PPP2R5B: variants seen among roughly 807,000 people sequenced by gnomAD.
The protein encoded by PPP2R5B is serine/threonine-protein phosphatase 2A 56 kDa regulatory subunit beta isoform.
In PPP2R5B, 19 loss-of-function variants were observed where a neutral mutation model predicts 59.9. The ratio of observed to expected loss-of-function variants is 0.32; its 90% CI spans 0.22 to 0.47. The LOEUF is 0.47. Among genes scored for constraint, PPP2R5B ranks in the 20% least tolerant of loss-of-function variants. The probability of loss-of-function intolerance (pLI) is 1.00; values close to 1 mark genes in which losing one functional copy is unlikely to be tolerated. For missense variants in PPP2R5B, 441 were observed against 640.2 expected (o/e 0.69, Z 3.36); for synonymous variants, 286 against 260.5 (o/e 1.10, Z -0.94).
At chr11:64,919,045 A>C (rs559368926) in intron 1 of PPP2R5B, among the ~76,000 whole-genome samples, 1 of 152,324 alleles carries the variant, frequency 6.6e-6, no homozygotes, top group South Asian at 2.1e-4. Context: ...ACAGCCATTC[A>C]GAAAGTGCTT....
chr11:64,920,117 CA>C (rs562667276), upstream of PPP2R5B, among the ~76,000 whole-genome samples: 106 of 151,518 alleles, frequency 7.0e-4, no homozygotes, highest in South Asian at 8.3e-4. Context: ...ACCTCAAAAA[CA>C]AAAAAAGGAA....
chr11:64,926,035 T>G, intron 2 of PPP2R5B, 102 bp downstream of exon 2: 1 of 1,210,624 alleles, frequency 8.3e-7, no homozygotes, highest in Non-Finnish European at 1.2e-6. Flanking sequence ...GAGAGAGAGT[T>G]TGGATACCCC....
rs1489135217 is a variant in PPP2R5B at position 64,931,700 on chromosome 11, A to T, written c.997-49A>T. On this transcript the variant is annotated intron_variant, in intron 10 of 13. Coordinates refer to ENST00000164133, the MANE Select transcript of PPP2R5B (RefSeq NM_006244.4). This position sits in a 1 kb window ranked among gnomAD's most constrained non-coding sequence, Gnocchi z 5.0. The stretch of plus-strand genomic sequence containing the variant: ...CAGGTGTGTGTATGTGTAGGGGGAG[A>T]TGTGAGCTGCTGCCCCTCTGTCCCT... 2 of 1,613,650 alleles carry T rather than the reference A, an allele frequency of 1.2e-6. No individual in the cohort carries two copies. Among genetic ancestry groups the T allele is most frequent in the Non-Finnish European group, 1.7e-6 (2 of 1,179,856 alleles).
chr11:64,925,949 G>A lies in PPP2R5B; in HGVS notation c.199+16G>A, dbSNP rs554840972. 1.2e-6 allele frequency: 2 copies of A among 1,607,310 alleles called. No homozygotes were observed. The highest frequency in any genetic ancestry group is 2.2e-5 in the South Asian group (2 of 90,260). ...CTGCTCAAAGGTGAGCTGGCTGCTGGCCACTGGGGGAACCGAACCCCCGAG... is the reference window on the plus strand; with the variant it reads ...CTGCTCAAAGGTGAGCTGGCTGCTGACCACTGGGGGAACCGAACCCCCGAG... On this transcript the variant is annotated intron_variant, in intron 2 of 13. Coordinates refer to ENST00000164133, the MANE Select transcript of PPP2R5B (RefSeq NM_006244.4). This position sits in a 1 kb window ranked among gnomAD's most constrained non-coding sequence, Gnocchi z 4.6.
chr11:64,928,018 G>A lies in PPP2R5B; in HGVS notation c.499-48G>A, dbSNP rs535137383. 24 of 1,591,130 alleles carry A rather than the reference G, an allele frequency of 1.5e-5. No individual in the cohort carries two copies. The East Asian group carries it at 4.2e-4, about 28-fold the overall frequency. On this transcript the variant is annotated intron_variant, in intron 4 of 13. Coordinates refer to ENST00000164133, the MANE Select transcript of PPP2R5B (RefSeq NM_006244.4). ...TGAGGGCCATAGGGTGGAATGAGTG[G>A]GTGAGGCTGTTACTGAACTCACCTT...
In PPP2R5B at chr11:64,932,839, G is replaced by T. The variant is rs752382807; in HGVS notation, c.1191G>T (p.Val397=). 1 of 1,614,154 alleles carries T rather than the reference G, an allele frequency of 6.2e-7. No homozygotes were observed. Among genetic ancestry groups the T allele is most frequent in the South Asian group, 1.1e-5 (1 of 91,092 alleles). ...TCATTGAGGACAACTGCCACACTGTGCTGCCTGCTGTGTTTGGGACCCTCT... is the reference window on the plus strand; with the variant it reads ...TCATTGAGGACAACTGCCACACTGTTCTGCCTGCTGTGTTTGGGACCCTCT... ...LSLIEDNCHT[V]LPAVFGTLYQ... The change falls in exon 12 of 14, where the codon GTG becomes GTT. Residue 397 remains valine (V), a synonymous_variant. Transcript: ENST00000164133.
intron 6 of PPP2R5B, among the ~76,000 whole-genome samples, chr11:64,929,524 A>C (rs149219294): frequency 0.035 from 5,370 of 152,274 alleles, 133 homozygotes; most frequent in Non-Finnish European, 0.053. Context: ...TCAGGAGTTC[A>C]AGATCAGCCT....
Position 64,927,906 on chromosome 11 carries a change from C to CTGAAGGGT in PPP2R5B, c.498+6_498+13dup, listed in dbSNP as rs1945185750. ...AGCCTTCGTGGCCACACCTGCAGGT[C>CTGAAGGGT]TGAAGGGTTGGGGAAGACAGAGATC... On this transcript the variant is annotated splice_donor_region_variant and intron_variant, in intron 4 of 13. Transcript: ENST00000164133. 1 of 1,597,534 alleles carries CTGAAGGGT rather than the reference C, an allele frequency of 6.3e-7. No individual in the cohort carries two copies. Among genetic ancestry groups the CTGAAGGGT allele is most frequent in the Non-Finnish European group, 8.6e-7 (1 of 1,165,022 alleles).
Position 64,931,905 on chromosome 11 carries a change from G to A in PPP2R5B, c.1116+37G>A. The A allele has an allele frequency of 6.2e-7, 1 of 1,602,360 alleles. No individual in the cohort carries two copies. Among genetic ancestry groups the A allele is most frequent in the Non-Finnish European group, 8.5e-7 (1 of 1,174,654 alleles). ...GACAGGCGGGGATGGGAGCAGGGCT[G>A]GCCTGGAAAGGTTGGGTAGCTGACC... On this transcript the variant is annotated intron_variant, in intron 11 of 13. Transcript: ENST00000164133. The surrounding 1 kb of genome is among the most constrained non-coding windows in gnomAD (Gnocchi z 5.0).
intron 13 of PPP2R5B, 126 bp downstream of exon 13, chr11:64,933,372 C>T: frequency 1.2e-6 from 1 of 829,022 alleles, no homozygotes; most frequent in Non-Finnish European, 1.9e-6. Flanking sequence ...ACTGTCCATG[C>T]TCCTGCCATC....
In PPP2R5B at chr11:64,927,960, G is replaced by A. The variant is rs1945186399; in HGVS notation, c.498+57G>A. On this transcript the variant is annotated intron_variant, in intron 4 of 13. Transcript: ENST00000164133. ...GTTTCAGAAGAGATCCAAGGCATGG[G>A]GAGAGGGCCTCCTTAGCCCCTAGAC... 1.9e-6 allele frequency: 3 copies of A among 1,565,578 alleles called. No homozygotes were observed. In the East Asian group the frequency reaches 6.7e-5, roughly 35 times the overall value.
At chr11:64,920,863 C>T (rs1022638196), upstream of PPP2R5B, among the ~76,000 whole-genome samples, 3 of 151,504 alleles carry the variant, frequency 2.0e-5, no homozygotes, top group Non-Finnish European at 4.4e-5. Context: ...GTTTTGACCT[C>T]ATGATCTGCC....
chr11:64,925,380 C>G lies in PPP2R5B; in HGVS notation c.-264-91C>G, dbSNP rs1231454092. The G allele has an allele frequency of 4.5e-6, 1 of 222,254 alleles. No individual in the cohort carries two copies. Among genetic ancestry groups the G allele is most frequent in the Non-Finnish European group, 9.1e-6 (1 of 109,824 alleles). The allele number at this position is 222,254 out of a possible 1,614,324, so 13.8% of individuals were successfully genotyped here. On this transcript the variant is annotated intron_variant, in intron 1 of 13. Coordinates refer to ENST00000164133, the MANE Select transcript of PPP2R5B (RefSeq NM_006244.4). This position sits in a 1 kb window ranked among gnomAD's most constrained non-coding sequence, Gnocchi z 4.6. ...GGATAGGAGGGAAAAGACCTGGGCA[C>G]TCCACGCAGCCTCCCGGCTCTCCTG...
upstream of PPP2R5B, among the ~76,000 whole-genome samples, chr11:64,920,943 C>CTATATATA (rs59230229): frequency 0.11 from 14,752 of 134,564 alleles, 913 homozygotes; most frequent in Non-Finnish European, 0.11. Flanking sequence ...TCCAGCAGTT[C>CTATATATA]TATATATATA....
Position 64,925,801 on chromosome 11 carries a change from C to T in PPP2R5B, c.67C>T (p.Pro23Ser). Reference protein sequence around the residue: ...SPSSPGLSPVPPPDKVDGFSR... With the variant: ...SPSSPGLSPVSPPDKVDGFSR... Reference sequence around the variant, plus strand: ...CTCCTCCCCCGGGCTGTCGCCTGTGCCCCCACCCGACAAGGTGGACGGCTT... The same window carrying T: ...CTCCTCCCCCGGGCTGTCGCCTGTGTCCCCACCCGACAAGGTGGACGGCTT... Residue 23 changes from proline (P) to serine (S), a missense_variant, in exon 2 of 14, where the codon CCC becomes TCC. Pro to Ser is a moderately conservative substitution (Grantham distance 74, BLOSUM62 -1). Transcript: ENST00000164133. The surrounding 1 kb of genome is among the most constrained non-coding windows in gnomAD (Gnocchi z 4.6). 1 of 1,583,684 alleles carries T rather than the reference C, an allele frequency of 6.3e-7. No homozygotes were observed. Among genetic ancestry groups the T allele is most frequent in the Non-Finnish European group, 8.6e-7 (1 of 1,160,044 alleles).
rs1945259441 is a variant in PPP2R5B, at chr11:64,934,025, C to T, written c.*181C>T. ...CGAGGAGAGGCAATGGTGGTCTTGG[C>T]AACAGAATGCTCAGCCCCTCGTGGC... is the stretch of plus-strand genomic sequence containing the variant. On this transcript the variant is annotated 3_prime_UTR_variant, in exon 14 of 14. Coordinates refer to ENST00000164133, the MANE Select transcript of PPP2R5B (RefSeq NM_006244.4). The T allele has an allele frequency of 4.2e-6, 3 of 708,916 alleles. No homozygotes were observed. Among genetic ancestry groups the T allele is most frequent in the Non-Finnish European group, 6.3e-6 (3 of 474,966 alleles). The allele number at this position is 708,916 out of a possible 1,614,324, so 43.9% of individuals were successfully genotyped here.
intron 2 of PPP2R5B, 67 bp from the exon 3 acceptor site, chr11:64,926,644 TG>T: frequency 6.4e-7 from 1 of 1,558,518 alleles, no homozygotes. Flanking sequence ...TAGGAGGGTC[TG>T]CCCCACCCAC....
upstream of PPP2R5B, among the ~76,000 whole-genome samples, chr11:64,920,429 A>T (rs1364667275): frequency 6.6e-6 from 1 of 152,176 alleles, no homozygotes; most frequent in African/African-American, 2.4e-5. Context: ...GGACACAAAG[A>T]TACTTCCCCA....
chr11:64,924,109 T>C (rs630585), upstream of PPP2R5B: 144,677 of 152,236 alleles, frequency 0.95, 69,169 homozygotes, highest in East Asian at 1. Context: ...CCCTTTAAAC[T>C]GGAGACCATG....
Sources: allele counts gnomAD v4.1 joint callset (sites outside exome capture counted in the v4.1 genomes callset), GRCh38; gene constraint gnomAD v4.1.1; non-coding constraint Gnocchi (gnomAD v3.1); transcripts MANE v1.5; gene names NCBI Gene and HGNC (gene_info 2026-07-23, HGNC 2026-07-21).